Variants in INPP4A observed in about 807,000 individuals in gnomAD.
The protein encoded by INPP4A is inositol polyphosphate-4-phosphatase, type I, 107kD.
A neutral mutation model predicts 119.8 loss-of-function variants in INPP4A; 33 were observed. The observed-to-expected ratio is 0.28, with a 90% CI of 0.21 to 0.37. The LOEUF (loss-of-function observed/expected upper bound fraction) is 0.37. INPP4A is among the 10% of genes least tolerant of loss of function. The probability of loss-of-function intolerance (pLI) is 1.00; values close to 1 mark genes in which losing one functional copy is unlikely to be tolerated. For missense variants in INPP4A, 956 were observed against 1,289.9 expected (o/e 0.74, Z 3.97); for synonymous variants, 496 against 500.7 (o/e 0.99, Z 0.12).
Position 98,486,353 on chromosome 2 carries a change from G to C in INPP4A, c.-165-32611G>C, listed in dbSNP as rs116358943. Among the ~76,000 whole-genome samples, 922 of 152,318 alleles carry C rather than the reference G, an allele frequency of 6.1e-3. 5 individuals are homozygous for C. The highest frequency in any genetic ancestry group is 0.018 in the South Asian group (88 of 4,828). ...GGAAGTTTGGAAAATCCTCTTCCTT[G>C]TCTAGGCCTGTGCTTCCCTGTCCTC... On this transcript the variant is annotated intron_variant, in intron 1 of 24. Coordinates refer to ENST00000409851, the MANE Select transcript of INPP4A (RefSeq NM_001134225.2).
intron 1 of INPP4A, among the ~76,000 whole-genome samples, chr2:98,493,316 TC>T (rs1361891871): frequency 1.3e-5 from 2 of 152,132 alleles, no homozygotes; most frequent in African/African-American, 4.8e-5. Flanking sequence ...TACCCCGACT[TC>T]CTGGTGACTG....
chr2:98,452,968 A>G (rs765694186), intron 1 of INPP4A, among the ~76,000 whole-genome samples: 12 of 152,188 alleles, frequency 7.9e-5, no homozygotes, highest in Non-Finnish European at 1.5e-4. Flanking sequence ...TAGGTGCTTG[A>G]GAAATATTTA....
chr2:98,488,646 G>A (rs1680047763), intron 1 of INPP4A, among the ~76,000 whole-genome samples: 1 of 152,214 alleles, frequency 6.6e-6, no homozygotes. Context: ...TCCTGTAGTG[G>A]CTCTAGGTCA....
chr2:98,550,336 C>T (rs1168451715), intron 13 of INPP4A, among the ~76,000 whole-genome samples: 2 of 152,122 alleles, frequency 1.3e-5, no homozygotes, highest in African/African-American at 2.4e-5. Context: ...CCCAGCCTCC[C>T]AATCCTCCTA....
At chr2:98,543,460 A>G (rs930160292) in intron 10 of INPP4A, among the ~76,000 whole-genome samples, 1 of 152,192 alleles carries the variant, frequency 6.6e-6, no homozygotes, top group Non-Finnish European at 1.5e-5. Context: ...GATTACTCAC[A>G]GCCTGCAGTC....
At chr2:98,573,368 A>G (rs1271236224) in intron 23 of INPP4A, among the ~76,000 whole-genome samples, 1 of 152,136 alleles carries the variant, frequency 6.6e-6, no homozygotes, top group East Asian at 1.9e-4. Flanking sequence ...TCCAAAGTTT[A>G]CTTGTGGAAT....
chr2:98,492,100 G>A (rs1680923723), intron 1 of INPP4A, among the ~76,000 whole-genome samples: 1 of 152,082 alleles, frequency 6.6e-6, no homozygotes, highest in African/African-American at 2.4e-5. Flanking sequence ...ATATTGGCCA[G>A]GCTGATCTCG....
At chr2:98,470,484 G>T (rs1675775273) in intron 1 of INPP4A, among the ~76,000 whole-genome samples, 2 of 152,218 alleles carry the variant, frequency 1.3e-5, no homozygotes, top group Admixed American at 1.3e-4. Context: ...GCCCCTGCAA[G>T]GAGGCCTGGT....
intron 4 of INPP4A, among the ~76,000 whole-genome samples, chr2:98,526,780 T>C (rs1688251175): frequency 6.6e-6 from 1 of 152,212 alleles, no homozygotes; most frequent in African/African-American, 2.4e-5. Context: ...TCTCAGCTTC[T>C]GGTGAGCCCT....
chr2:98,473,541 C>T (rs530088729), intron 1 of INPP4A, among the ~76,000 whole-genome samples: 2 of 148,672 alleles, frequency 1.3e-5, no homozygotes, highest in Non-Finnish European at 3.0e-5. Flanking sequence ...GAGGGGCTGA[C>T]ACCGTGTGGT....
chr2:98,551,911 C>T (rs1361926908), intron 13 of INPP4A, among the ~76,000 whole-genome samples: 3 of 152,152 alleles, frequency 2.0e-5, no homozygotes, highest in African/African-American at 7.2e-5. Flanking sequence ...AAGAGACATG[C>T]AATTTATCAT....
At chr2:98,485,407 T>TGG (rs1204158607) in intron 1 of INPP4A, among the ~76,000 whole-genome samples, 2 of 152,132 alleles carry the variant, frequency 1.3e-5, no homozygotes, top group African/African-American at 4.8e-5. Flanking sequence ...AAGGTATCTG[T>TGG]GGGGGGTGGG....
At chr2:98,565,468 G>A (rs947803377) in intron 19 of INPP4A, among the ~76,000 whole-genome samples, 172 bp from the exon 20 acceptor site, 2 of 152,190 alleles carry the variant, frequency 1.3e-5, no homozygotes, top group Non-Finnish European at 2.9e-5. Flanking sequence ...AGGCATTGTT[G>A]ACTCACAGAG....
chr2:98,468,960 A>T (rs1393607802), intron 1 of INPP4A, among the ~76,000 whole-genome samples: 1 of 135,324 alleles, frequency 7.4e-6, no homozygotes, highest in African/African-American at 2.8e-5. Context: ...TAAAGTGAAC[A>T]GCTGGGAAAA....
chr2:98,453,407 C>T (rs1394866146), intron 1 of INPP4A, among the ~76,000 whole-genome samples: 3 of 152,194 alleles, frequency 2.0e-5, no homozygotes, highest in Admixed American at 2.0e-4. Context: ...TATCCAAGTA[C>T]GTTTCCTATG....
intron 1 of INPP4A, among the ~76,000 whole-genome samples, chr2:98,452,490 C>G (rs1021583890): frequency 1.3e-5 from 2 of 152,230 alleles, no homozygotes; most frequent in African/African-American, 4.8e-5. Flanking sequence ...TACTCCCCAG[C>G]TGGAGACAGG....
intron 5 of INPP4A, among the ~76,000 whole-genome samples, chr2:98,533,762 A>G (rs1689687794): frequency 6.6e-6 from 1 of 152,212 alleles, no homozygotes; most frequent in African/African-American, 2.4e-5. Flanking sequence ...ATTGCCTTGT[A>G]AGAGGTAAGA....
At chr2:98,579,554 T>A (rs1698965913) in intron 24 of INPP4A, among the ~76,000 whole-genome samples, 2 of 152,234 alleles carry the variant, frequency 1.3e-5, no homozygotes. Context: ...CAGTAGCCAC[T>A]CTCCTGCCCA....
At position 98,448,830 on chromosome 2, in the gene INPP4A, A is replaced by C. The variant is rs1345819178; in HGVS notation, c.-166+3745A>C. Among the ~76,000 whole-genome samples, 10 of 151,052 alleles carry C rather than the reference A, an allele frequency of 6.6e-5. No individual in the cohort carries two copies. In the Admixed American group the frequency reaches 6.6e-4, roughly 10 times the overall value. On this transcript the variant is annotated intron_variant, in intron 1 of 24. Transcript: ENST00000409851. ...GTGATCCTTCTGCTTTAGCCTCCTG[A>C]GTAGCTGGACTATAGGTGTGTGCCA... is the stretch of plus-strand genomic sequence containing the variant.
Sources: allele counts gnomAD v4.1 joint callset (sites outside exome capture counted in the v4.1 genomes callset), GRCh38; gene constraint gnomAD v4.1.1; transcripts MANE v1.5; gene names NCBI Gene and HGNC (gene_info 2026-07-23, HGNC 2026-07-21).